The following ASIC2 variants were observed in gnomAD, a reference collection of about 807,000 sequenced individuals.
ASIC2 encodes acid sensing ion channel subunit 2.
ASIC2 carries 25 observed loss-of-function variants against 57.3 expected under a neutral mutation model. The ratio of observed to expected loss-of-function variants is 0.44; its 90% CI spans 0.32 to 0.61. ASIC2 has a LOEUF of 0.61. Among genes scored for constraint, ASIC2 ranks in the 20% least tolerant of loss-of-function variants. The probability of loss-of-function intolerance (pLI) is 0.06; values close to 1 mark genes in which losing one functional copy is unlikely to be tolerated. For synonymous variants in ASIC2, 319 were observed against 307.5 expected (o/e 1.04, Z -0.39); for missense variants, 641 against 738.1 (o/e 0.87, Z 1.52).
At chr17:33,610,482 T>C (rs530929360) in intron 1 of ASIC2, among the ~76,000 whole-genome samples, 41 of 152,262 alleles carry the variant, frequency 2.7e-4, no homozygotes, top group African/African-American at 9.6e-4. Context: ...CAATTTTGCC[T>C]CTTAACCTGG....
chr17:34,117,732 T>TG (rs1567828314), intron 1 of ASIC2, among the ~76,000 whole-genome samples: 1 of 151,968 alleles, frequency 6.6e-6, no homozygotes, highest in Non-Finnish European at 1.5e-5. Flanking sequence ...ATGGATTATT[T>TG]GGGGGTGGGG....
chr17:33,665,633 C>A (rs1196103205), intron 1 of ASIC2, among the ~76,000 whole-genome samples: 2 of 152,196 alleles, frequency 1.3e-5, no homozygotes, highest in Non-Finnish European at 2.9e-5. Flanking sequence ...TAAGTGTGCT[C>A]TCAGAATCTC....
At chr17:33,796,186 G>A (rs768045353) in intron 1 of ASIC2, among the ~76,000 whole-genome samples, 1 of 152,152 alleles carries the variant, frequency 6.6e-6, no homozygotes, top group African/African-American at 2.4e-5. Flanking sequence ...AATGTGTTTA[G>A]TACATACTTT....
At chr17:33,781,212 C>T (rs1385112868) in intron 1 of ASIC2, among the ~76,000 whole-genome samples, 3 of 152,190 alleles carry the variant, frequency 2.0e-5, no homozygotes, top group Non-Finnish European at 4.4e-5. Flanking sequence ...TCTTCACTGC[C>T]TGCTGCTTTC....
intron 1 of ASIC2, among the ~76,000 whole-genome samples, chr17:33,677,770 T>C (rs1907871184): frequency 6.6e-6 from 1 of 152,136 alleles, no homozygotes; most frequent in Admixed American, 6.5e-5. Flanking sequence ...GAAGTAAGAG[T>C]TGTTTTTTAT....
At chr17:33,590,783 CT>C (rs1221149403) in intron 1 of ASIC2, among the ~76,000 whole-genome samples, 1 of 152,248 alleles carries the variant, frequency 6.6e-6, no homozygotes, top group Non-Finnish European at 1.5e-5. Context: ...GGAAGCCAGG[CT>C]GCCGTTTTCA....
Position 33,028,309 on chromosome 17 carries a change from G to A in ASIC2, c.1071C>T (p.Ala357=), listed in dbSNP as rs1401543226. 3 of 1,614,190 alleles carry A rather than the reference G, an allele frequency of 1.9e-6. No individual in the cohort carries two copies. Among genetic ancestry groups the A allele is most frequent in the Non-Finnish European group, 2.5e-6 (3 of 1,180,050 alleles). ...AGCGGGTCTCACAGTCAATCCTACA[G>A]GCGGTGATGCTGTAAACAGGAAAAA... is the stretch of plus-strand genomic sequence containing the variant. ...LDFFPVYSIT[A]CRIDCETRYI... Residue 357 remains alanine (A), a synonymous_variant, in exon 4 of 10, where the codon GCC becomes GCT. Transcript: ENST00000225823.
intron 1 of ASIC2, among the ~76,000 whole-genome samples, chr17:33,737,667 G>A (rs1422047076): frequency 4.2e-5 from 6 of 143,096 alleles, no homozygotes; most frequent in Non-Finnish European, 9.2e-5. Flanking sequence ...ACCCCTAACA[G>A]TACATGGAAT....
chr17:33,201,905 G>T (rs1269934367), intron 1 of ASIC2, among the ~76,000 whole-genome samples: 1 of 151,574 alleles, frequency 6.6e-6, no homozygotes, highest in Non-Finnish European at 1.5e-5. Context: ...GGTGATGCAT[G>T]CCCATGGTCC....
intron 1 of ASIC2, among the ~76,000 whole-genome samples, chr17:33,325,117 C>T (rs758941432): frequency 1.3e-5 from 2 of 152,118 alleles, no homozygotes; most frequent in Admixed American, 6.5e-5. Flanking sequence ...GGTGATGCCA[C>T]AAGAAACAAA....
At chr17:33,856,889 C>T (rs1424310505) in intron 1 of ASIC2, among the ~76,000 whole-genome samples, 2 of 151,858 alleles carry the variant, frequency 1.3e-5, no homozygotes, top group Non-Finnish European at 2.9e-5. Context: ...GGCCAGGGGC[C>T]GGGTCTGAAA....
At chr17:33,743,466 T>C (rs543677076) in intron 1 of ASIC2, among the ~76,000 whole-genome samples, 1 of 152,372 alleles carries the variant, frequency 6.6e-6, no homozygotes, top group South Asian at 2.1e-4. Flanking sequence ...GGATGGGCCA[T>C]TGGCCCAGGT....
chr17:33,404,872 C>T (rs185175974), intron 1 of ASIC2, among the ~76,000 whole-genome samples: 1 of 152,262 alleles, frequency 6.6e-6, no homozygotes, highest in African/African-American at 2.4e-5. Context: ...TACTTGATGT[C>T]TTTTCCATGT....
chr17:33,201,975 T>C (rs1906882036), intron 1 of ASIC2, among the ~76,000 whole-genome samples: 1 of 130,958 alleles, frequency 7.6e-6, no homozygotes, highest in Non-Finnish European at 1.5e-5. Context: ...GGGATTGCAG[T>C]GGACCAAGAT....
At chr17:33,045,831 C>A (rs541114129) in intron 3 of ASIC2, among the ~76,000 whole-genome samples, 1 of 152,322 alleles carries the variant, frequency 6.6e-6, no homozygotes, top group East Asian at 1.9e-4. Flanking sequence ...GGTTGCATTT[C>A]CATCTTTCTA....
chr17:33,156,712 T>C lies in ASIC2; in HGVS notation c.709-44645A>G, dbSNP rs144606572. ...CGGAGGTTGCAGTGAGCCGAGATTG[T>C]GACACTGCACTCCAGCCTGGGCGAC... On this transcript the variant is annotated intron_variant, in intron 1 of 9. Transcript: ENST00000225823. 9.3e-3 allele frequency among the ~76,000 whole-genome samples: 1,410 copies of C among 152,064 alleles called. 16 individuals are homozygous for C. The highest frequency in any genetic ancestry group is 0.032 in the African/African-American group (1,321 of 41,488).
intron 1 of ASIC2, among the ~76,000 whole-genome samples, chr17:33,748,643 G>A (rs1910335739): frequency 6.6e-6 from 1 of 152,108 alleles, no homozygotes; most frequent in Non-Finnish European, 1.5e-5. Context: ...CACGGTGGTG[G>A]CCTGGGGATT....
intron 1 of ASIC2, among the ~76,000 whole-genome samples, chr17:34,021,412 C>T (rs9900419): frequency 0.03 from 4,624 of 152,276 alleles, 223 homozygotes; most frequent in African/African-American, 0.11. Flanking sequence ...CTGCCTTGGA[C>T]TCTTGCCCAC....
chr17:33,868,377 A>G (rs1383095547), intron 1 of ASIC2, among the ~76,000 whole-genome samples: 1 of 152,228 alleles, frequency 6.6e-6, no homozygotes, highest in African/African-American at 2.4e-5. Context: ...AATAAATGAC[A>G]TGAAACAACT....
Sources: gnomAD v4.1 joint callset for allele counts (sites outside exome capture counted in the v4.1 genomes callset) on GRCh38, gnomAD v4.1.1 for gene constraint, MANE v1.5 for transcripts, NCBI Gene and HGNC (gene_info 2026-07-23, HGNC 2026-07-21) for gene names.